The following SLC5A3 variants were observed in gnomAD, a reference collection of about 807,000 sequenced individuals.
The protein encoded by SLC5A3 is sodium/myo-inositol cotransporter.
In SLC5A3, 10 loss-of-function variants were observed where a neutral mutation model predicts 43.2. The observed-to-expected ratio is 0.23, with a 90% CI of 0.14 to 0.39. SLC5A3 has a LOEUF of 0.39. Among genes scored for constraint, SLC5A3 ranks in the 10% least tolerant of loss-of-function variants. SLC5A3 has a pLI of 1.00. For synonymous variants in SLC5A3, 349 were observed against 322.0 expected (o/e 1.08, Z -0.90); for missense variants, 608 against 893.4 (o/e 0.68, Z 4.07).
At position 34,096,255 on chromosome 21, in the gene SLC5A3, C is replaced by T. The variant is rs898496703; in HGVS notation, c.1057C>T (p.Arg353Cys). Reference protein sequence around the residue: ...RAGCSNIAYPRLVMKLVPVGL... With the variant: ...RAGCSNIAYPCLVMKLVPVGL... The stretch of plus-strand genomic sequence containing the variant: ...TGGTTGCTCCAATATTGCTTACCCA[C>T]GCCTGGTGATGAAGCTGGTTCCTGT... Residue 353 changes from arginine (R) to cysteine (C), a missense_variant, in exon 2 of 2, where the codon CGC (arginine) becomes TGC (cysteine). Physicochemically the swap from Arg to Cys is radical, Grantham distance 180. Transcript: ENST00000381151. The surrounding 1 kb of genome is among the most constrained non-coding windows in gnomAD (Gnocchi z 5.9). 3 of 1,614,090 alleles carry T rather than the reference C, an allele frequency of 1.9e-6. No homozygotes were observed. The highest frequency in any genetic ancestry group is 1.7e-6 in the Non-Finnish European group (2 of 1,180,002).
Position 34,104,681 on chromosome 21 carries a change from A to G in SLC5A3, c.*7326A>G. On this transcript the variant is annotated 3_prime_UTR_variant, in exon 2 of 2. Coordinates refer to ENST00000381151, the MANE Select transcript of SLC5A3 (RefSeq NM_006933.7). The stretch of plus-strand genomic sequence containing the variant: ...GCCTACCACATTATTTGAGAATATC[A>G]AACCTCAGGCCTGGGGGGATGAGGG... The G allele has an allele frequency of 2.0e-6, 2 of 1,000,272 alleles. No individual in the cohort carries two copies. Among genetic ancestry groups the G allele is most frequent in the Non-Finnish European group, 2.4e-6 (2 of 829,964 alleles). 62.0% of individuals were successfully genotyped at this position (1,000,272 alleles called of 1,614,324 possible).
At chr21:34,087,973 G>T (rs1978482337) in intron 1 of SLC5A3, among the ~76,000 whole-genome samples, 1 of 152,226 alleles carries the variant, frequency 6.6e-6, no homozygotes, top group Non-Finnish European at 1.5e-5. Context: ...CAATAGTGAG[G>T]ATGAAGTTGC....
rs1303069470 is a variant in SLC5A3 at position 34,097,093 on chromosome 21, C to G, written c.1895C>G (p.Ser632Cys). The G allele has an allele frequency of 9.3e-6, 15 of 1,613,932 alleles. No individual in the cohort carries two copies. The Admixed American group carries it at 2.5e-4, about 27-fold the overall frequency. The change falls in exon 2 of 2, where the codon TCC (serine) becomes TGC (cysteine). Residue 632 changes from serine to cysteine, a missense_variant. Coordinates refer to ENST00000381151, the MANE Select transcript of SLC5A3 (RefSeq NM_006933.7). ...SEAETPVDAY[S>C]NGQAALMGEK... ...GCAGAAACACCAGTTGACGCTTACT[C>G]CAATGGGCAAGCAGCTCTCATGGGT...
Position 34,097,191 on chromosome 21 carries a change from A to C in SLC5A3, c.1993A>C (p.Lys665Gln). The change falls in exon 2 of 2, where the codon AAA becomes CAA. Residue 665 changes from lysine to glutamine, a missense_variant. By Grantham distance (53) the Lys-to-Gln change is moderately conservative. Transcript: ENST00000381151. ...GTTCATAGACTGGTTTTGTGGCTTTAAAAGTAAGAGCCTCAGCAAGAGGAG... is the reference window on the plus strand; with the variant it reads ...GTTCATAGACTGGTTTTGTGGCTTTCAAAGTAAGAGCCTCAGCAAGAGGAG... The part of the protein sequence containing the change: ...WKFIDWFCGF[K>Q]SKSLSKRSLR... 1 of 1,614,112 alleles carries C rather than the reference A, an allele frequency of 6.2e-7. No homozygotes were observed.
intron 1 of SLC5A3, among the ~76,000 whole-genome samples, chr21:34,087,519 C>T (rs937669311): frequency 1.3e-5 from 2 of 152,108 alleles, no homozygotes; most frequent in Non-Finnish European, 2.9e-5. Flanking sequence ...ACAGAAGAAA[C>T]GTTTAAGTTT....
At chr21:34,081,862 T>C (rs1311001682) in intron 1 of SLC5A3, among the ~76,000 whole-genome samples, 1 of 152,212 alleles carries the variant, frequency 6.6e-6, no homozygotes, top group Non-Finnish European at 1.5e-5. Context: ...TCTAAGTTTA[T>C]TTCATCAGAA....
chr21:34,097,620 A>T lies in SLC5A3; in HGVS notation c.*265A>T, dbSNP rs149158500. The T allele has an allele frequency of 8.4e-7, 1 of 1,185,126 alleles. No individual in the cohort carries two copies. The highest frequency in any genetic ancestry group is 4.7e-5 in the East Asian group (1 of 21,164). 73.4% of individuals were successfully genotyped at this position (1,185,126 alleles called of 1,614,324 possible). On this transcript the variant is annotated 3_prime_UTR_variant, in exon 2 of 2. Transcript: ENST00000381151. The stretch of plus-strand genomic sequence containing the variant: ...TGCATACCAAAGTAAGAAGAGACCA[A>T]TTATTCTCACAGAGCACTTAGAGCA...
rs1979143918 is a variant in SLC5A3, at chr21:34,099,645, T to C, written c.*2290T>C. On this transcript the variant is annotated 3_prime_UTR_variant, in exon 2 of 2. Transcript: ENST00000381151. Reference sequence around the variant, plus strand: ...TTATTTAACATTGAGTCCTAGTAGTTTGGAGAATTAGGGTCCCTCTACCTT... The same window carrying C: ...TTATTTAACATTGAGTCCTAGTAGTCTGGAGAATTAGGGTCCCTCTACCTT... 4.0e-6 allele frequency: 4 copies of C among 998,394 alleles called. No homozygotes were observed. The highest frequency in any genetic ancestry group is 4.7e-5 in the South Asian group (1 of 21,268). The allele number at this position is 998,394 out of a possible 1,614,324, so 61.8% of individuals were successfully genotyped here. A position where few individuals can be genotyped will look rare whatever the true frequency, so the allele number is the denominator to read the frequency against.
At chr21:34,077,463 ATCT>A (rs1989360235) in intron 1 of SLC5A3, among the ~76,000 whole-genome samples, 2 of 152,236 alleles carry the variant, frequency 1.3e-5, no homozygotes, top group Non-Finnish European at 2.9e-5. Flanking sequence ...TTTTCCTGAA[ATCT>A]TCTCATTGGC....
At chr21:34,090,817 A>G (rs1327816057) in intron 1 of SLC5A3, among the ~76,000 whole-genome samples, 1 of 150,810 alleles carries the variant, frequency 6.6e-6, no homozygotes, top group Non-Finnish European at 1.5e-5. Flanking sequence ...GAGATCCTAC[A>G]GTTAGGAAGT....
rs942824182 is a variant in SLC5A3, at chr21:34,104,003, G to A, written c.*6648G>A. The A allele has an allele frequency of 1.0e-6, 1 of 999,936 alleles. No individual in the cohort carries two copies. Among genetic ancestry groups the A allele is most frequent in the African/African-American group, 1.7e-5 (1 of 57,186 alleles). The allele number at this position is 999,936 out of a possible 1,614,324, so 61.9% of individuals were successfully genotyped here. ...TTGTAAAAAATCTTAAATCTTTTAG[G>A]AAATATTACCTCTTAACAGTGCCCC... On this transcript the variant is annotated 3_prime_UTR_variant, in exon 2 of 2. Coordinates refer to ENST00000381151, the MANE Select transcript of SLC5A3 (RefSeq NM_006933.7).
At position 34,078,638 on chromosome 21, in the gene SLC5A3, G is replaced by A. The variant is rs139301038; in HGVS notation, c.-337+4893G>A. ...AAATTAAGAGTTCAAAAGCAATGAC[G>A]GGAAAATTCTGAAGTAATATTTTTC... is the stretch of plus-strand genomic sequence containing the variant. On this transcript the variant is annotated intron_variant, in intron 1 of 1. Coordinates refer to ENST00000381151, the MANE Select transcript of SLC5A3 (RefSeq NM_006933.7). Among the ~76,000 whole-genome samples the A allele has an allele frequency of 6.1e-3, 926 of 152,128 alleles. 7 individuals are homozygous for A. Among genetic ancestry groups the A allele is most frequent in the Middle Eastern group, 0.017 (5 of 292 alleles).
intron 1 of SLC5A3, among the ~76,000 whole-genome samples, chr21:34,074,572 G>A (rs1989278461): frequency 1.3e-5 from 2 of 152,232 alleles, no homozygotes; most frequent in South Asian, 4.1e-4. Context: ...CCCGGAGGCA[G>A]CTCACTTCGT....
intron 1 of SLC5A3, among the ~76,000 whole-genome samples, chr21:34,077,029 T>C (rs941108549): frequency 6.6e-6 from 1 of 152,176 alleles, no homozygotes; most frequent in African/African-American, 2.4e-5. Flanking sequence ...GCCTGTGAGA[T>C]GGTGAGGTCT....
intron 1 of SLC5A3, among the ~76,000 whole-genome samples, chr21:34,082,964 T>G (rs976374354): frequency 6.6e-6 from 1 of 152,106 alleles, no homozygotes; most frequent in Admixed American, 6.5e-5. Context: ...AAAATGAAAT[T>G]GCAAGTGAAA....
At position 34,102,678 on chromosome 21, in the gene SLC5A3, G is replaced by A. The variant is rs1352902564; in HGVS notation, c.*5323G>A. On this transcript the variant is annotated 3_prime_UTR_variant, in exon 2 of 2. Transcript: ENST00000381151. ...GCTTGCTTGAAGAGAAAGGATGCTA[G>A]AATAAAGTAAGCAGCTGAAGAGCGA... 2.0e-6 allele frequency: 2 copies of A among 1,000,046 alleles called. No homozygotes were observed. The highest frequency in any genetic ancestry group is 2.3e-4 in the East Asian group (2 of 8,838). The allele number at this position is 1,000,046 out of a possible 1,614,324, so 61.9% of individuals were successfully genotyped here.
At chr21:34,084,320 A>AT (rs1335970022) in intron 1 of SLC5A3, among the ~76,000 whole-genome samples, 1 of 152,232 alleles carries the variant, frequency 6.6e-6, no homozygotes, top group African/African-American at 2.4e-5. Flanking sequence ...ACATGGAAAG[A>AT]TGAGCAGAAG....
At chr21:34,092,726 A>T (rs139050591) in intron 1 of SLC5A3, among the ~76,000 whole-genome samples, 22 of 152,310 alleles carry the variant, frequency 1.4e-4, no homozygotes, top group African/African-American at 4.8e-4. Context: ...TGAACAAATA[A>T]GCTGCAGCAG....
At position 34,097,460 on chromosome 21, in the gene SLC5A3, T is replaced by C; in HGVS notation, c.*105T>C. Reference sequence around the variant, plus strand: ...CTCAGGCATTGTTTACGCTGTAGGTTTTAGCCAAATTTTACTTAGCAGAAA... The same window carrying C: ...CTCAGGCATTGTTTACGCTGTAGGTCTTAGCCAAATTTTACTTAGCAGAAA... On this transcript the variant is annotated 3_prime_UTR_variant, in exon 2 of 2. Transcript: ENST00000381151. 1 of 1,460,082 alleles carries C rather than the reference T, an allele frequency of 6.8e-7. No individual in the cohort carries two copies. The highest frequency in any genetic ancestry group is 9.0e-7 in the Non-Finnish European group (1 of 1,106,864). 90.4% of individuals were successfully genotyped at this position (1,460,082 alleles called of 1,614,324 possible).
Sources: allele counts gnomAD v4.1 joint callset (sites outside exome capture counted in the v4.1 genomes callset), GRCh38; gene constraint gnomAD v4.1.1; non-coding constraint Gnocchi (gnomAD v3.1); transcripts MANE v1.5; gene names NCBI Gene and HGNC (gene_info 2026-07-23, HGNC 2026-07-21).